The following DPY19L3 variants were observed in gnomAD, a reference collection of about 807,000 sequenced individuals.
DPY19L3 encodes the protein dpy-19 like C-mannosyltransferase 3.
A neutral mutation model predicts 92.3 loss-of-function variants in DPY19L3; 51 were observed. The ratio of observed to expected loss-of-function variants is 0.55; its 90% confidence interval spans 0.44 to 0.70. The LOEUF (loss-of-function observed/expected upper bound fraction) is 0.70. Among genes scored for constraint, DPY19L3 ranks in the 30% least tolerant of loss-of-function variants. The pLI is 0.00. For missense variants in DPY19L3, 706 were observed against 855.9 expected, an observed-to-expected ratio of 0.82 and a Z score of 2.18; for synonymous variants, 309 against 315.2, an observed-to-expected ratio of 0.98 and a Z score of 0.21.
At chr19:32,444,533 A>T (rs1344959815) in intron 8 of DPY19L3, among the ~76,000 whole-genome samples, 2 of 152,210 alleles carry the variant, frequency 1.3e-5, no homozygotes, top group Non-Finnish European at 2.9e-5. Context: ...AGTTTACTGA[A>T]GCTGAAAAAA....
intron 8 of DPY19L3, among the ~76,000 whole-genome samples, chr19:32,445,212 C>G (rs1484280592): frequency 6.6e-6 from 1 of 151,408 alleles, no homozygotes; most frequent in Non-Finnish European, 1.5e-5. Flanking sequence ...GAGGCCGAGG[C>G]AGACGGATCA....
In DPY19L3 at chr19:32,483,976, A is replaced by G. The variant is rs1970737477; in HGVS notation, c.*1736A>G. On this transcript the variant is annotated 3_prime_UTR_variant, in exon 19 of 19. Transcript: ENST00000392250. ...TGTTAGACTCTGTGATTTTGTTTTC[A>G]AAATCCTCTGTTATGGCTATATTTA... The G allele has an allele frequency of 2.0e-5, 3 of 152,630 alleles. No individual in the cohort carries two copies. Among genetic ancestry groups the G allele is most frequent in the Admixed American group, 1.3e-4 (2 of 15,272 alleles). The allele number at this position is 152,630 out of a possible 1,614,324, so 9.5% of individuals were successfully genotyped here.
At chr19:32,447,766 TA>T (rs1568343831) in intron 8 of DPY19L3, among the ~76,000 whole-genome samples, 1 of 144,930 alleles carries the variant, frequency 6.9e-6, no homozygotes, top group African/African-American at 2.6e-5. Context: ...GATAGATAGA[TA>T]GATAGATAGA....
intron 10 of DPY19L3, among the ~76,000 whole-genome samples, chr19:32,457,615 C>T (rs569291663): frequency 6.6e-6 from 1 of 152,304 alleles, no homozygotes; most frequent in East Asian, 1.9e-4. Context: ...ATTTGTCTGT[C>T]CACCCCTTCA....
intron 12 of DPY19L3, among the ~76,000 whole-genome samples, chr19:32,461,779 A>G (rs1338735511): frequency 6.6e-6 from 1 of 152,204 alleles, no homozygotes; most frequent in Non-Finnish European, 1.5e-5. Context: ...TGAAAGTTTC[A>G]TCTTTAACTA....
rs1244595792 is a variant in DPY19L3 at position 32,480,423 on chromosome 19, G to A, written c.1855G>A (p.Ala619Thr). ...GGTTTATCAGATATATGCCAAGAGG[G>A]CACCAGAGGAAGTGCATGCCCTCCT... ...RAVYQIYAKR[A>T]PEEVHALLRS... Residue 619 changes from alanine (A) to threonine (T), a missense_variant, in exon 18 of 19, where the codon GCA (alanine) becomes ACA (threonine). Ala to Thr is a moderately conservative substitution (Grantham distance 58, BLOSUM62 0). Coordinates refer to ENST00000392250, the MANE Select transcript of DPY19L3 (RefSeq NM_001172774.2). The A allele has an allele frequency of 1.9e-6, 3 of 1,612,474 alleles. No homozygotes were observed. The highest frequency in any genetic ancestry group is 2.5e-6 in the Non-Finnish European group (3 of 1,179,456).
At chr19:32,431,509 T>TTA (rs762493576) in intron 3 of DPY19L3, among the ~76,000 whole-genome samples, 2 of 152,254 alleles carry the variant, frequency 1.3e-5, no homozygotes, top group Non-Finnish European at 2.9e-5. Context: ...TTTATTTATT[T>TTA]ATACTTTTAC....
intron 3 of DPY19L3, among the ~76,000 whole-genome samples, chr19:32,427,650 GCCC>G (rs1474272207): frequency 6.6e-6 from 1 of 152,186 alleles, no homozygotes; most frequent in African/African-American, 2.4e-5. Flanking sequence ...GTAGCAGACT[GCCC>G]TCCTCACAAG....
intron 18 of DPY19L3, chr19:32,481,878 T>A: frequency 3.4e-6 from 2 of 592,022 alleles, no homozygotes; most frequent in Non-Finnish European, 5.8e-6. Flanking sequence ...GACGCTGCAC[T>A]CTCCTTCTCA....
At chr19:32,422,723 G>A (rs1230094818) in intron 3 of DPY19L3, among the ~76,000 whole-genome samples, 1 of 151,846 alleles carries the variant, frequency 6.6e-6, no homozygotes, top group Non-Finnish European at 1.5e-5. Flanking sequence ...TCTACTAATT[G>A]AAGGGGCAGA....
intron 8 of DPY19L3, among the ~76,000 whole-genome samples, chr19:32,445,625 C>A (rs182115977): frequency 5.8e-4 from 88 of 152,024 alleles, no homozygotes; most frequent in Admixed American, 1.1e-3. Context: ...AATTTAAGAG[C>A]ATCAGAAAGG....
At chr19:32,436,001 A>C (rs534139632) in intron 4 of DPY19L3, among the ~76,000 whole-genome samples, 1 of 152,378 alleles carries the variant, frequency 6.6e-6, no homozygotes, top group East Asian at 1.9e-4. Flanking sequence ...TTGTCTTCTA[A>C]AGCCTCTGCT....
intron 12 of DPY19L3, among the ~76,000 whole-genome samples, chr19:32,460,507 G>A (rs1484928904): frequency 6.6e-6 from 1 of 152,188 alleles, no homozygotes; most frequent in Non-Finnish European, 1.5e-5. Context: ...GTTTTTCTGT[G>A]TGAGCCTGTG....
intron 3 of DPY19L3, among the ~76,000 whole-genome samples, chr19:32,431,623 T>C (rs963457609): frequency 7.9e-5 from 12 of 152,204 alleles, no homozygotes; most frequent in Non-Finnish European, 1.5e-4. Flanking sequence ...ATCTTGGGGA[T>C]AGGATTCAGG....
chr19:32,463,075 A>T (rs1209225395), intron 12 of DPY19L3, among the ~76,000 whole-genome samples: 2 of 109,866 alleles, frequency 1.8e-5, no homozygotes, highest in East Asian at 5.7e-4. Flanking sequence ...AATTCCAAAA[A>T]ATTTGAGTTT....
intron 8 of DPY19L3, 100 bp from the exon 9 acceptor site, chr19:32,453,045 T>C (rs539146243): frequency 1.5e-6 from 2 of 1,361,070 alleles, no homozygotes; most frequent in Admixed American, 4.2e-5. Flanking sequence ...TTTTCTGCAT[T>C]ATTTGTAAGC....
intron 3 of DPY19L3, among the ~76,000 whole-genome samples, chr19:32,419,195 G>A (rs60191208): frequency 0.04 from 5,840 of 145,432 alleles, 372 homozygotes; most frequent in African/African-American, 0.14. Flanking sequence ...GAGTCTCGCT[G>A]TGTCGCCCAG....
chr19:32,465,342 TTTC>T (rs1235092637), intron 15 of DPY19L3, among the ~76,000 whole-genome samples: 1 of 152,200 alleles, frequency 6.6e-6, no homozygotes, highest in African/African-American at 2.4e-5. Context: ...ATTCAGAGAA[TTTC>T]TTATCAGAGA....
intron 15 of DPY19L3, 95 bp downstream of exon 15, chr19:32,464,879 G>C (rs1970155858): frequency 2.8e-6 from 2 of 707,974 alleles, no homozygotes; most frequent in African/African-American, 3.7e-5. Context: ...CAAATAGAGT[G>C]GTTTGTGAAG....
Sources: gnomAD v4.1 joint callset for allele counts (sites outside exome capture counted in the v4.1 genomes callset) on GRCh38, gnomAD v4.1.1 for gene constraint, MANE v1.5 for transcripts, NCBI Gene and HGNC (gene_info 2026-07-23, HGNC 2026-07-21) for gene names.